Variants in DNAJC21 observed in about 807,000 individuals in gnomAD.
DNAJC21 encodes dnaJ homolog subfamily C member 21.
In DNAJC21, 63 loss-of-function variants were observed where a neutral mutation model predicts 72.4. The ratio of observed to expected loss-of-function variants is 0.87; its 90% CI spans 0.71 to 1.07. DNAJC21 has a LOEUF of 1.07. Among genes scored for constraint, DNAJC21 ranks in the 50% least tolerant of loss-of-function variants. The pLI is 0.00. For missense variants in DNAJC21, 634 were observed against 644.8 expected (o/e 0.98, Z 0.18); for synonymous variants, 203 against 216.7 (o/e 0.94, Z 0.56).
At chr5:34,947,687 TTTCTC>T (rs1765220253) in intron 9 of DNAJC21, among the ~76,000 whole-genome samples, 2 of 151,442 alleles carry the variant, frequency 1.3e-5, no homozygotes, top group Non-Finnish European at 3.0e-5. Flanking sequence ...GAGATTATCT[TTTCTC>T]TATCATGTGC....
intron 5 of DNAJC21, 89 bp from the exon 6 acceptor site, chr5:34,938,769 C>G (rs1764880850): frequency 7.3e-7 from 1 of 1,371,040 alleles, no homozygotes; most frequent in East Asian, 2.6e-5. Flanking sequence ...AGCAAGCTCT[C>G]TAGTGGGAAT....
At chr5:34,945,858 C>T in intron 9 of DNAJC21, 55 bp downstream of exon 9, 1 of 1,263,272 alleles carries the variant, frequency 7.9e-7, no homozygotes, top group Non-Finnish European at 1.1e-6. Context: ...TTGCAGTGCT[C>T]TTATTTATTC....
chr5:34,956,338 G>A lies in DNAJC21; in HGVS notation c.*1624G>A, dbSNP rs911600404. 1 of 152,206 alleles carries A rather than the reference G, an allele frequency of 6.6e-6. No homozygotes were observed. Among genetic ancestry groups the A allele is most frequent in the African/African-American group, 2.4e-5 (1 of 41,416 alleles). 9.4% of individuals were successfully genotyped at this position (152,206 alleles called of 1,614,324 possible). A position where few individuals can be genotyped will look rare whatever the true frequency, so the allele number is the denominator to read the frequency against. ...TAAATTCTTTTCTTTTCCATTTAGAGATATGTTTTTTTCTTTACCTTCATA... is the reference window on the plus strand; with the variant it reads ...TAAATTCTTTTCTTTTCCATTTAGAAATATGTTTTTTTCTTTACCTTCATA... On this transcript the variant is annotated 3_prime_UTR_variant, in exon 12 of 12. Coordinates refer to ENST00000648817, the MANE Select transcript of DNAJC21 (RefSeq NM_001012339.3).
chr5:34,954,028 T>G, intron 11 of DNAJC21, 27 bp downstream of exon 11: 1 of 1,577,480 alleles, frequency 6.3e-7, no homozygotes, highest in Non-Finnish European at 8.6e-7. Flanking sequence ...TTCATATCTC[T>G]TTAGCATATC....
intron 7 of DNAJC21, 26 bp downstream of exon 7, chr5:34,941,209 T>G: frequency 8.7e-6 from 14 of 1,600,794 alleles, no homozygotes; most frequent in Non-Finnish European, 1.2e-5. Context: ...TAATTTAATT[T>G]AATTTTGAGA....
rs538020010 is a variant in DNAJC21 at position 34,930,963 on chromosome 5, G to A, written c.97+1047G>A. On this transcript the variant is annotated intron_variant, in intron 1 of 11. Transcript: ENST00000648817. The stretch of plus-strand genomic sequence containing the variant: ...GGAGGGAGTTACCATTTTGTATTGA[G>A]TCTTCCCCTTCTCAGAGGAGTTTGG... Among the ~76,000 whole-genome samples the A allele has an allele frequency of 3.3e-5, 5 of 152,326 alleles. No homozygotes were observed. The East Asian group carries it at 9.6e-4, about 29-fold the overall frequency.
chr5:34,938,824 C>T (rs1193622796), intron 5 of DNAJC21, 34 bp from the exon 6 acceptor site: 1 of 1,548,096 alleles, frequency 6.5e-7, no homozygotes, highest in Non-Finnish European at 8.7e-7. Context: ...CAGAGGCGTG[C>T]TTGTCGCTGT....
At chr5:34,954,086 G>A (rs1222739060) in intron 11 of DNAJC21, 85 bp downstream of exon 11, 1 of 1,271,232 alleles carries the variant, frequency 7.9e-7, no homozygotes, top group African/African-American at 1.5e-5. Context: ...TGTGTATTTG[G>A]TGAGCCATTC....
chr5:34,936,903 A>G (rs2112036365), intron 4 of DNAJC21, among the ~76,000 whole-genome samples: 1 of 151,978 alleles, frequency 6.6e-6, no homozygotes, highest in East Asian at 1.9e-4. Flanking sequence ...GGCTCCCACC[A>G]CCATGCTCAG....
At chr5:34,947,569 G>A (rs1455531130) in intron 9 of DNAJC21, among the ~76,000 whole-genome samples, 2 of 146,406 alleles carry the variant, frequency 1.4e-5, no homozygotes, top group African/African-American at 4.9e-5. Context: ...TTATTTTTAT[G>A]TGTAAGTATT....
At chr5:34,937,296 CAGAA>C in intron 4 of DNAJC21, 26 bp from the exon 5 acceptor site, 3 of 1,563,116 alleles carry the variant, frequency 1.9e-6, no homozygotes, top group Non-Finnish European at 2.6e-6. Flanking sequence ...TCTTAAAGCG[CAGAA>C]GTTAATCTGT....
intron 8 of DNAJC21, among the ~76,000 whole-genome samples, chr5:34,945,303 C>T (rs1765137368): frequency 1.3e-5 from 2 of 152,146 alleles, no homozygotes; most frequent in Admixed American, 1.3e-4. Flanking sequence ...GTCTTGAACT[C>T]CTGATCTCAG....
chr5:34,954,164 A>G (rs910551566), intron 11 of DNAJC21, 163 bp downstream of exon 11: 1 of 584,142 alleles, frequency 1.7e-6, no homozygotes, highest in African/African-American at 1.9e-5. Flanking sequence ...TTTTTTTTTC[A>G]TTAAAATAAA....
At chr5:34,949,812 A>G (rs1765299526) in intron 9 of DNAJC21, 9 of 1,453,082 alleles carry the variant, frequency 6.2e-6, no homozygotes, top group Non-Finnish European at 8.2e-6. Flanking sequence ...CCTTAATTTT[A>G]CCTGTAGAGA....
At chr5:34,951,328 A>C in intron 10 of DNAJC21, 1 of 985,354 alleles carries the variant, frequency 1.0e-6, no homozygotes. Flanking sequence ...TTTCAGGTTA[A>C]TTGTCCAAGG....
intron 5 of DNAJC21, among the ~76,000 whole-genome samples, chr5:34,937,946 T>A (rs1021108150): frequency 6.6e-6 from 1 of 152,000 alleles, no homozygotes; most frequent in South Asian, 2.1e-4. Context: ...AGGTGTAATA[T>A]GCCACCATGC....
chr5:34,951,909 A>G, intron 10 of DNAJC21: 1 of 985,468 alleles, frequency 1.0e-6, no homozygotes, highest in African/African-American at 1.7e-5. Flanking sequence ...TCAGCTCTCT[A>G]ATTTCACTGA....
At chr5:34,939,508 A>C (rs968774047) in intron 6 of DNAJC21, among the ~76,000 whole-genome samples, 2 of 150,340 alleles carry the variant, frequency 1.3e-5, no homozygotes, top group Non-Finnish European at 3.0e-5. Flanking sequence ...CTCGTGATCC[A>C]CCCGCCTCGA....
chr5:34,949,079 ACT>A (rs1234536037), intron 9 of DNAJC21, among the ~76,000 whole-genome samples: 1 of 152,154 alleles, frequency 6.6e-6, no homozygotes, highest in Non-Finnish European at 1.5e-5. Flanking sequence ...TCAGAGTCAC[ACT>A]CTGCAGATTA....
Sources: allele counts gnomAD v4.1 joint callset (sites outside exome capture counted in the v4.1 genomes callset), GRCh38; gene constraint gnomAD v4.1.1; transcripts MANE v1.5; gene names NCBI Gene and HGNC (gene_info 2026-07-23, HGNC 2026-07-21).